GDA: variants seen among roughly 807,000 people sequenced by gnomAD.
GDA encodes guanine deaminase.
A neutral mutation model predicts 59.6 loss-of-function variants in GDA; 18 were observed. That is an observed-to-expected ratio of 0.30 (90% CI 0.21 to 0.45). GDA has a LOEUF of 0.45. GDA is among the 20% of genes least tolerant of loss of function. The pLI is 1.00. For synonymous variants in GDA, 201 were observed against 201.1 expected (o/e 1.00, Z 0.00); for missense variants, 427 against 552.3 (o/e 0.77, Z 2.27).
chr9:72,173,231 T>C (rs904554260), intron 1 of GDA, among the ~76,000 whole-genome samples: 1 of 152,204 alleles, frequency 6.6e-6, no homozygotes, highest in African/African-American at 2.4e-5. Context: ...CCTTTTATGC[T>C]GAGTTCCAGG....
intron 3 of GDA, among the ~76,000 whole-genome samples, chr9:72,203,139 A>C (rs1218580483): frequency 6.6e-6 from 1 of 152,238 alleles, no homozygotes; most frequent in African/African-American, 2.4e-5. Context: ...CATCTGTAAA[A>C]AATAGAGATC....
Position 72,199,725 on chromosome 9 carries a change from T to C in GDA, c.213-2846T>C, listed in dbSNP as rs150781367. ...GGATTATTCCTGAGGCCATGCATTT[T>C]TGACCCTTGCAGTTTTTGGCACTAG... On this transcript the variant is annotated intron_variant, in intron 2 of 13. Coordinates refer to ENST00000358399, the MANE Select transcript of GDA (RefSeq NM_004293.5). Among the ~76,000 whole-genome samples, 183 of 152,316 alleles carry C rather than the reference T, an allele frequency of 1.2e-3. 1 individual carries two copies. The highest frequency in any genetic ancestry group is 4.3e-3 in the African/African-American group (177 of 41,572).
intron 1 of GDA, among the ~76,000 whole-genome samples, chr9:72,186,711 A>C (rs1831899388): frequency 6.6e-6 from 1 of 152,214 alleles, no homozygotes; most frequent in Non-Finnish European, 1.5e-5. Context: ...CGTGTTATTT[A>C]CAGAATACTC....
chr9:72,194,246 G>GGCCC (rs1304841376), intron 1 of GDA: 6 of 152,244 alleles, frequency 3.9e-5, no homozygotes, highest in Non-Finnish European at 7.3e-5. Flanking sequence ...AATGTGCTGA[G>GGCCC]TTTCACCCAA....
chr9:72,164,629 T>C (rs1197740516), intron 1 of GDA, among the ~76,000 whole-genome samples: 1 of 152,194 alleles, frequency 6.6e-6, no homozygotes, highest in African/African-American at 2.4e-5. Context: ...TTATTCCCAC[T>C]GCTTAAGTTA....
chr9:72,168,128 A>G (rs1212255140), intron 1 of GDA, among the ~76,000 whole-genome samples: 1 of 152,152 alleles, frequency 6.6e-6, no homozygotes, highest in Non-Finnish European at 1.5e-5. Flanking sequence ...AGGGTGAGGT[A>G]GCTTGTGTCT....
chr9:72,168,390 CTTTTTTTTTTTT>C, intron 1 of GDA, among the ~76,000 whole-genome samples: 1 of 105,916 alleles, frequency 9.4e-6, no homozygotes, highest in African/African-American at 3.6e-5. Flanking sequence ...GAGACTTTGT[CTTTTTTTTTTTT>C]TTTTTTTTTT....
At chr9:72,186,242 A>G (rs949343349) in intron 1 of GDA, among the ~76,000 whole-genome samples, 1 of 152,164 alleles carries the variant, frequency 6.6e-6, no homozygotes, top group Non-Finnish European at 1.5e-5. Flanking sequence ...CTGAAAATAA[A>G]TCTCAGGGCT....
At chr9:72,160,152 G>GA (rs150486700) in intron 1 of GDA, among the ~76,000 whole-genome samples, 2 of 151,712 alleles carry the variant, frequency 1.3e-5, no homozygotes, top group East Asian at 1.9e-4. Context: ...AAGAAAATAT[G>GA]AAAAAAAATT....
chr9:72,201,030 G>A (rs1199936822), intron 2 of GDA, among the ~76,000 whole-genome samples: 1 of 151,844 alleles, frequency 6.6e-6, no homozygotes, highest in Non-Finnish European at 1.5e-5. Flanking sequence ...TACTTACTAA[G>A]TTTCTTGTGA....
intron 5 of GDA, among the ~76,000 whole-genome samples, chr9:72,217,977 G>A (rs918628551): frequency 4.0e-5 from 6 of 151,476 alleles, no homozygotes; most frequent in African/African-American, 9.7e-5. Context: ...GCAGTGGCAC[G>A]GTCTCAGCTC....
chr9:72,197,589 T>A (rs1833346492), intron 2 of GDA: 1 of 152,098 alleles, frequency 6.6e-6, no homozygotes. Context: ...TCTTCCTCTT[T>A]ATGAGGTTGC....
chr9:72,236,495 C>T (rs577551117), intron 10 of GDA, among the ~76,000 whole-genome samples: 2 of 152,288 alleles, frequency 1.3e-5, no homozygotes, highest in South Asian at 4.1e-4. Context: ...TCTCCCACCA[C>T]GAAATTCACA....
intron 1 of GDA, among the ~76,000 whole-genome samples, chr9:72,177,138 G>T (rs1283615583): frequency 8.6e-6 from 1 of 116,920 alleles, no homozygotes; most frequent in Non-Finnish European, 1.6e-5. Flanking sequence ...TTGCACTGTT[G>T]CCTGGGCTGG....
intron 1 of GDA, among the ~76,000 whole-genome samples, chr9:72,152,496 C>G (rs1040782395): frequency 6.6e-6 from 1 of 152,162 alleles, no homozygotes; most frequent in East Asian, 1.9e-4. Context: ...CTGGTGTGAG[C>G]TGATATCTCA....
chr9:72,243,507 A>T (rs1249031443), intron 11 of GDA, among the ~76,000 whole-genome samples: 2 of 152,348 alleles, frequency 1.3e-5, no homozygotes, highest in East Asian at 3.9e-4. Context: ...AAGGGCAAAA[A>T]GAAGTCAAGT....
chr9:72,236,774 C>CTTTTTTTTTTTTTTTTT (rs1564168629), intron 10 of GDA, among the ~76,000 whole-genome samples: 2 of 127,592 alleles, frequency 1.6e-5, no homozygotes, highest in Non-Finnish European at 1.6e-5. Context: ...AAAACCACTC[C>CTTTTTTTTTTTTTTTTT]TATTTTTTTT....
Position 72,249,723 on chromosome 9 carries a change from A to G in GDA, c.*1381A>G. Reference sequence around the variant, plus strand: ...ATACTATAAATGAGCAAGGAAAAGGAATAGACTTTCTTAATATATTATAAC... The same window carrying G: ...ATACTATAAATGAGCAAGGAAAAGGGATAGACTTTCTTAATATATTATAAC... On this transcript the variant is annotated 3_prime_UTR_variant, in exon 14 of 14. Coordinates refer to ENST00000358399, the MANE Select transcript of GDA (RefSeq NM_004293.5). 1.3e-6 allele frequency: 1 copy of G among 797,202 alleles called. No homozygotes were observed. Among genetic ancestry groups the G allele is most frequent in the Non-Finnish European group, 1.5e-6 (1 of 658,540 alleles). 49.4% of individuals were successfully genotyped at this position (797,202 alleles called of 1,614,324 possible).
At chr9:72,145,640 G>A (rs10511997), upstream of GDA, among the ~76,000 whole-genome samples, 11,278 of 152,258 alleles carry the variant, frequency 0.074, 543 homozygotes, top group Non-Finnish European at 0.1. Context: ...TCAGGCAATT[G>A]GAGGTTTAGA....
Sources: allele counts gnomAD v4.1 joint callset (sites outside exome capture counted in the v4.1 genomes callset), GRCh38; gene constraint gnomAD v4.1.1; transcripts MANE v1.5; gene names NCBI Gene and HGNC (gene_info 2026-07-23, HGNC 2026-07-21).